Variants in FGF14 observed in about 807,000 individuals in gnomAD.
The protein encoded by FGF14 is fibroblast growth factor 14.
FGF14 carries 5 observed loss-of-function variants against 25.5 expected under a neutral mutation model. The ratio of observed to expected loss-of-function variants is 0.20; its 90% CI spans 0.10 to 0.41. The LOEUF is 0.41. Among genes scored for constraint, FGF14 ranks in the 10% least tolerant of loss-of-function variants. FGF14 has a pLI of 1.00. For missense variants in FGF14, 222 were observed against 320.1 expected (o/e 0.69, Z 2.34); for synonymous variants, 138 against 118.3 (o/e 1.17, Z -1.08).
chr13:102,126,603 G>A (rs615771), intron 1 of FGF14, among the ~76,000 whole-genome samples: 4,064 of 152,236 alleles, frequency 0.027, 181 homozygotes, highest in African/African-American at 0.093. Flanking sequence ...TTATTGGTCA[G>A]TATGGTAATT....
intron 1 of FGF14, among the ~76,000 whole-genome samples, chr13:102,149,874 A>G (rs2047007997): frequency 6.6e-6 from 1 of 152,226 alleles, no homozygotes; most frequent in Non-Finnish European, 1.5e-5. Flanking sequence ...ACTAGGGAGA[A>G]TAGACAATCA....
At chr13:101,799,169 T>G (rs1277605167) in intron 3 of FGF14, among the ~76,000 whole-genome samples, 2 of 152,112 alleles carry the variant, frequency 1.3e-5, no homozygotes, top group Non-Finnish European at 2.9e-5. Context: ...TTTCTTTACC[T>G]GAAGTCCATT....
At chr13:102,373,031 AT>A (rs1288831718) in intron 1 of FGF14, among the ~76,000 whole-genome samples, 1 of 152,132 alleles carries the variant, frequency 6.6e-6, no homozygotes, top group African/African-American at 2.4e-5. Context: ...CTACTTAAAT[AT>A]TTATCAGTGA....
chr13:101,948,465 A>T (rs954463472), intron 1 of FGF14, among the ~76,000 whole-genome samples: 2 of 81,706 alleles, frequency 2.4e-5, no homozygotes, highest in African/African-American at 1.2e-4. Context: ...AAAGTATAAT[A>T]AAAAAATATA....
At chr13:101,930,553 GAGGGACTC>G (rs1379580173) in intron 1 of FGF14, among the ~76,000 whole-genome samples, 1 of 152,120 alleles carries the variant, frequency 6.6e-6, no homozygotes, top group Non-Finnish European at 1.5e-5. Flanking sequence ...TTTTAGCCTA[GAGGGACTC>G]AGTCAGTTGC....
intron 3 of FGF14, among the ~76,000 whole-genome samples, chr13:101,832,082 A>T (rs1188335743): frequency 6.6e-6 from 1 of 152,070 alleles, no homozygotes; most frequent in Non-Finnish European, 1.5e-5. Context: ...CTGGGTAAAG[A>T]TTAAGTTCCA....
chr13:102,183,126 TA>T (rs1428472133), intron 1 of FGF14, among the ~76,000 whole-genome samples: 1 of 151,766 alleles, frequency 6.6e-6, no homozygotes, highest in Non-Finnish European at 1.5e-5. Context: ...GAGCGCTATA[TA>T]AAAAACATAT....
intron 1 of FGF14, among the ~76,000 whole-genome samples, chr13:101,913,133 A>G (rs987482109): frequency 6.6e-6 from 1 of 152,236 alleles, no homozygotes; most frequent in African/African-American, 2.4e-5. Context: ...GAATAATTTC[A>G]TAATTTCAAC....
chr13:102,134,166 TGCA>T (rs2140425344), intron 1 of FGF14, among the ~76,000 whole-genome samples: 1 of 152,298 alleles, frequency 6.6e-6, no homozygotes, highest in Admixed American at 6.5e-5. Flanking sequence ...TTCAGAAAAG[TGCA>T]GGTGTCATGC....
intron 3 of FGF14, among the ~76,000 whole-genome samples, chr13:101,792,659 C>T (rs958084210): frequency 1.3e-5 from 2 of 152,104 alleles, no homozygotes; most frequent in Non-Finnish European, 2.9e-5. Flanking sequence ...ATCTTGTGCA[C>T]AAGTATTTTC....
intron 1 of FGF14, among the ~76,000 whole-genome samples, chr13:102,341,306 C>A (rs564436343): frequency 1.4e-4 from 22 of 152,244 alleles, no homozygotes; most frequent in South Asian, 6.2e-4. Flanking sequence ...AAAGAAAAAT[C>A]ATTCCATTAT....
intron 1 of FGF14, among the ~76,000 whole-genome samples, chr13:101,932,240 A>C (rs2034800988): frequency 6.6e-6 from 1 of 152,124 alleles, no homozygotes; most frequent in Non-Finnish European, 1.5e-5. Context: ...TTTTAAAAAT[A>C]AATTCCAGGC....
At chr13:102,202,581 C>T (rs2049713115) in intron 1 of FGF14, among the ~76,000 whole-genome samples, 1 of 152,206 alleles carries the variant, frequency 6.6e-6, no homozygotes, top group Admixed American at 6.5e-5. Flanking sequence ...GGAAAAAGTC[C>T]TTTGCAGTTG....
chr13:101,952,068 G>A (rs1206081775), intron 1 of FGF14, among the ~76,000 whole-genome samples: 2 of 151,980 alleles, frequency 1.3e-5, no homozygotes, highest in African/African-American at 2.4e-5. Flanking sequence ...TTTGTCAAGT[G>A]CCTACTATTT....
intron 1 of FGF14, among the ~76,000 whole-genome samples, chr13:101,945,784 C>T (rs1200817779): frequency 6.6e-6 from 1 of 152,218 alleles, no homozygotes; most frequent in Non-Finnish European, 1.5e-5. Context: ...ACACGGCACA[C>T]TTTTCAACAC....
chr13:102,331,757 G>A (rs143606029), intron 1 of FGF14, among the ~76,000 whole-genome samples: 210 of 152,256 alleles, frequency 1.4e-3, no homozygotes, highest in African/African-American at 4.7e-3. Flanking sequence ...TGGTGGACAA[G>A]AGAATCATAA....
At chr13:102,206,823 G>T (rs1015935076) in intron 1 of FGF14, among the ~76,000 whole-genome samples, 3 of 152,128 alleles carry the variant, frequency 2.0e-5, no homozygotes, top group Admixed American at 2.0e-4. Context: ...TCATGCCATT[G>T]CACACAACAA....
chr13:101,995,027 T>A (rs2039105852), intron 1 of FGF14, among the ~76,000 whole-genome samples: 2 of 152,170 alleles, frequency 1.3e-5, no homozygotes, highest in African/African-American at 2.4e-5. Context: ...TATAAACACC[T>A]ATTTTTCTAC....
At chr13:102,137,974 G>A (rs2046484333) in intron 1 of FGF14, among the ~76,000 whole-genome samples, 1 of 149,486 alleles carries the variant, frequency 6.7e-6, no homozygotes, top group African/African-American at 2.5e-5. Context: ...AGACACTGAA[G>A]TTCTGAGAAG....
Sources: gnomAD v4.1 joint callset for allele counts (sites outside exome capture counted in the v4.1 genomes callset) on GRCh38, gnomAD v4.1.1 for gene constraint, MANE v1.5 for transcripts, NCBI Gene and HGNC (gene_info 2026-07-23, HGNC 2026-07-21) for gene names.